The following MTHFD2L variants were observed in gnomAD, a reference collection of about 807,000 sequenced individuals.
MTHFD2L encodes bifunctional methylenetetrahydrofolate dehydrogenase/cyclohydrolase 2, mitochondrial.
A neutral mutation model predicts 34.9 loss-of-function variants in MTHFD2L; 29 were observed. That is an observed-to-expected ratio of 0.83 (90% CI 0.62 to 1.13). The LOEUF is 1.13. Ranked by LOEUF, MTHFD2L falls within the 50% of genes most tolerant of loss-of-function variation. The pLI, the probability that MTHFD2L is intolerant of heterozygous loss-of-function variation, is 0.00. For synonymous variants in MTHFD2L, 167 were observed against 155.7 expected (o/e 1.07, Z -0.54); for missense variants, 481 against 446.5 (o/e 1.08, Z -0.70).
At chr4:74,255,224 T>A (rs1033973707) in intron 6 of MTHFD2L, among the ~76,000 whole-genome samples, 3 of 149,118 alleles carry the variant, frequency 2.0e-5, no homozygotes, top group Non-Finnish European at 3.0e-5. Flanking sequence ...ACATAATTTG[T>A]GGGGGAAGGA....
upstream of MTHFD2L, among the ~76,000 whole-genome samples, chr4:74,120,236 G>T (rs1560397315): frequency 6.6e-6 from 1 of 152,186 alleles, no homozygotes; most frequent in Non-Finnish European, 1.5e-5. Context: ...TAAATGATTA[G>T]ATGAAATAGC....
At chr4:74,124,602 C>T (rs1482157606), upstream of MTHFD2L, among the ~76,000 whole-genome samples, 2 of 151,810 alleles carry the variant, frequency 1.3e-5, no homozygotes, top group Non-Finnish European at 1.5e-5. Flanking sequence ...TTGTAGCAAC[C>T]TGTTTCGTTA....
Position 74,225,344 on chromosome 4 carries a change from A to G in MTHFD2L, c.755A>G (p.Glu252Gly). The change falls in exon 6 of 8, where the codon GAG becomes GGG. Residue 252 changes from glutamate to glycine, a missense_variant. By Grantham distance (98) the Glu-to-Gly change is moderately conservative (BLOSUM62 -2). Transcript: ENST00000325278. Reference protein sequence around the residue: ...VTIAHRYTPKEQLKIHTQLAD... With the variant: ...VTIAHRYTPKGQLKIHTQLAD... ...ATAGCTCACAGATACACCCCCAAAG[A>G]GCAACTGAAGATTCATACGCAGCTG... 6.2e-7 allele frequency: 1 copy of G among 1,613,268 alleles called. No individual in the cohort carries two copies. Among genetic ancestry groups the G allele is most frequent in the Non-Finnish European group, 8.5e-7 (1 of 1,179,412 alleles).
chr4:74,263,313 G>A (rs1285332417), intron 6 of MTHFD2L, among the ~76,000 whole-genome samples: 1 of 151,854 alleles, frequency 6.6e-6, no homozygotes, highest in African/African-American at 2.4e-5. Context: ...GGCTATTTGA[G>A]CTCTTTTTTG....
chr4:74,182,721 A>G (rs1380456996), intron 3 of MTHFD2L: 1 of 152,124 alleles, frequency 6.6e-6, no homozygotes, highest in African/African-American at 2.4e-5. Flanking sequence ...TTCTCTTTGC[A>G]ATTAGATTGA....
intron 6 of MTHFD2L, among the ~76,000 whole-genome samples, chr4:74,252,752 A>T (rs1005166469): frequency 9.9e-5 from 15 of 152,118 alleles, no homozygotes; most frequent in Non-Finnish European, 1.6e-4. Context: ...TGTGATATGG[A>T]ACATAAGAAA....
intron 3 of MTHFD2L, among the ~76,000 whole-genome samples, chr4:74,184,112 A>G (rs1730696945): frequency 6.6e-6 from 1 of 152,240 alleles, no homozygotes; most frequent in Non-Finnish European, 1.5e-5. Flanking sequence ...AAGAAAAAGT[A>G]GAATGATCAC....
intron 5 of MTHFD2L, among the ~76,000 whole-genome samples, chr4:74,218,614 G>GCC (rs58972298): frequency 1.6e-4 from 24 of 145,772 alleles, no homozygotes; most frequent in African/African-American, 6.0e-4. Flanking sequence ...GTAATTTCAA[G>GCC]CCCCCCCCCC....
chr4:74,156,031 CAG>C (rs1009806942), upstream of MTHFD2L, among the ~76,000 whole-genome samples: 9 of 151,750 alleles, frequency 5.9e-5, no homozygotes, highest in African/African-American at 9.7e-5. Context: ...GGAGAATAAA[CAG>C]AGTCTTGATT....
At chr4:74,119,374 T>C (rs761503538), upstream of MTHFD2L, among the ~76,000 whole-genome samples, 2 of 152,170 alleles carry the variant, frequency 1.3e-5, no homozygotes, top group Admixed American at 6.5e-5. Context: ...AAGCTAACCC[T>C]AGCCAAAATG....
intron 3 of MTHFD2L, among the ~76,000 whole-genome samples, chr4:74,184,132 G>A (rs1435689219): frequency 6.6e-6 from 1 of 152,150 alleles, no homozygotes; most frequent in East Asian, 1.9e-4. Context: ...CAGATATTCA[G>A]TTAATCTAAA....
chr4:74,284,952 A>G (rs1045427402), intron 7 of MTHFD2L, among the ~76,000 whole-genome samples: 8 of 152,186 alleles, frequency 5.3e-5, no homozygotes, highest in Non-Finnish European at 1.0e-4. Flanking sequence ...AATGTCCATC[A>G]ATGTTAGACT....
intron 1 of MTHFD2L, among the ~76,000 whole-genome samples, chr4:74,152,426 G>A (rs903393052): frequency 6.6e-6 from 1 of 152,018 alleles, no homozygotes; most frequent in Non-Finnish European, 1.5e-5. Flanking sequence ...ATGCTGTAAA[G>A]TTGTTTATAT....
rs1731204467 is a variant in MTHFD2L at position 74,186,192 on chromosome 4, A to G, written c.451+10789A>G. Among the ~76,000 whole-genome samples, 3 of 152,092 alleles carry G rather than the reference A, an allele frequency of 2.0e-5. No homozygotes were observed. The South Asian group carries it at 6.2e-4, about 32-fold the overall frequency. ...AATTTCATCATTAATTCCTGATGAG[A>G]AACTTTCAAGTAACTAATAATAGAA... On this transcript the variant is annotated intron_variant, in intron 3 of 7. Coordinates refer to ENST00000325278, the MANE Select transcript of MTHFD2L (RefSeq NM_001144978.3).
chr4:74,240,203 G>A (rs114783989), intron 6 of MTHFD2L, among the ~76,000 whole-genome samples: 1,610 of 152,294 alleles, frequency 0.011, 26 homozygotes, highest in African/African-American at 0.037. Flanking sequence ...GGGAAATGGC[G>A]TTAGTTTTAC....
At chr4:74,159,672 C>T (rs1578283437) in intron 1 of MTHFD2L, among the ~76,000 whole-genome samples, 2 of 152,242 alleles carry the variant, frequency 1.3e-5, no homozygotes, top group Non-Finnish European at 2.9e-5. Context: ...TACACACACA[C>T]CAACTCATGT....
At chr4:74,217,452 T>A (rs941155679) in intron 5 of MTHFD2L, among the ~76,000 whole-genome samples, 1 of 151,976 alleles carries the variant, frequency 6.6e-6, no homozygotes. Flanking sequence ...GCTTCTTTTT[T>A]TCCATTGCTG....
chr4:74,176,109 A>C lies in MTHFD2L; in HGVS notation c.451+706A>C, dbSNP rs188255482. On this transcript the variant is annotated intron_variant, in intron 3 of 7. Coordinates refer to ENST00000325278, the MANE Select transcript of MTHFD2L (RefSeq NM_001144978.3). ...CAGTATGAAGTTTCACATTGGCGTC[A>C]CTTCATCTGAGATGTTGTTGTCTTT... 5.6e-4 allele frequency among the ~76,000 whole-genome samples: 85 copies of C among 152,174 alleles called. 1 individual carries two copies. Among genetic ancestry groups the C allele is most frequent in the South Asian group, 6.2e-4 (3 of 4,832 alleles).
At chr4:74,174,863 A>G (rs748613989) in intron 2 of MTHFD2L, among the ~76,000 whole-genome samples, 173 bp downstream of exon 2, 45 of 152,082 alleles carry the variant, frequency 3.0e-4, no homozygotes, top group Non-Finnish European at 6.2e-4. Flanking sequence ...TTTTTCTTCA[A>G]ATTTCTTATA....
Sources: allele counts gnomAD v4.1 joint callset (sites outside exome capture counted in the v4.1 genomes callset), GRCh38; gene constraint gnomAD v4.1.1; transcripts MANE v1.5; gene names NCBI Gene and HGNC (gene_info 2026-07-23, HGNC 2026-07-21).